Variants in GRID1 observed in about 807,000 individuals in gnomAD.
The protein encoded by GRID1 is glutamate ionotropic receptor delta type subunit 1, also known as glutamate receptor ionotropic, delta-1.
In GRID1, 28 loss-of-function variants were observed where a neutral mutation model predicts 98.0. The ratio of observed to expected loss-of-function variants is 0.29; its 90% CI spans 0.21 to 0.39. The LOEUF (loss-of-function observed/expected upper bound fraction) is 0.39, where lower values mean the gene tolerates loss of function less well. Ranked by LOEUF, GRID1 falls within the 10% of genes least tolerant of loss-of-function variation. The pLI is 1.00. For missense variants in GRID1, 1,111 were observed against 1,340.5 expected (o/e 0.83, Z 2.67); for synonymous variants, 553 against 538.5 (o/e 1.03, Z -0.37).
intron 4 of GRID1, among the ~76,000 whole-genome samples, chr10:86,082,532 T>C (rs1843991961): frequency 6.6e-6 from 1 of 152,124 alleles, no homozygotes; most frequent in Non-Finnish European, 1.5e-5. Flanking sequence ...TTCTAACTGG[T>C]CCCTCAGACT....
chr10:86,069,705 A>C (rs929303412), intron 4 of GRID1, among the ~76,000 whole-genome samples: 1 of 152,250 alleles, frequency 6.6e-6, no homozygotes, highest in African/African-American at 2.4e-5. Context: ...ACGGCCAAGA[A>C]GCTTCATCAG....
chr10:86,362,208 A>T (rs1848608664), intron 2 of GRID1, among the ~76,000 whole-genome samples: 1 of 152,164 alleles, frequency 6.6e-6, no homozygotes, highest in African/African-American at 2.4e-5. Flanking sequence ...GTGTCAAGGG[A>T]ACAGGTGGCA....
At chr10:85,720,130 T>C (rs116862267) in intron 12 of GRID1, among the ~76,000 whole-genome samples, 5 of 152,174 alleles carry the variant, frequency 3.3e-5, no homozygotes, top group Non-Finnish European at 7.4e-5. Context: ...GGAAAATATT[T>C]AGCCAACTAA....
At chr10:86,187,357 C>A (rs185007826) in intron 3 of GRID1, among the ~76,000 whole-genome samples, 2 of 152,296 alleles carry the variant, frequency 1.3e-5, no homozygotes, top group Admixed American at 6.5e-5. Flanking sequence ...CTACAGGCAA[C>A]CTGAGACATG....
chr10:85,741,777 T>A (rs1045086858), intron 8 of GRID1, among the ~76,000 whole-genome samples: 1 of 152,070 alleles, frequency 6.6e-6, no homozygotes, highest in Non-Finnish European at 1.5e-5. Context: ...ACCTGATCCA[T>A]GTCTGCCTTT....
chr10:86,170,914 A>G (rs967555641), intron 3 of GRID1, among the ~76,000 whole-genome samples: 1 of 152,122 alleles, frequency 6.6e-6, no homozygotes, highest in African/African-American at 2.4e-5. Flanking sequence ...CACTCAAGTC[A>G]AGAAAAACGT....
At chr10:85,901,227 T>TTTTATTTATTTATTTATTTA (rs34330928) in intron 5 of GRID1, among the ~76,000 whole-genome samples, 5 of 146,274 alleles carry the variant, frequency 3.4e-5, no homozygotes, top group South Asian at 2.2e-4. Context: ...TTTTATTTTA[T>TTTTATTTATTTATTTATTTA]TTTATTTATT....
rs998586230 is a variant in GRID1, at chr10:85,867,540, G to A, written c.951+1470C>T. Among the ~76,000 whole-genome samples, 4 of 152,214 alleles carry A rather than the reference G, an allele frequency of 2.6e-5. No individual in the cohort carries two copies. In the South Asian group the frequency reaches 8.3e-4, roughly 32 times the overall value. On this transcript the variant is annotated intron_variant, in intron 6 of 15. Transcript: ENST00000327946. The stretch of plus-strand genomic sequence containing the variant: ...GCCATTTCCACCCACATGGAGGCTG[G>A]GAATCATGACTACAGAGGCACAGTG...
intron 13 of GRID1, among the ~76,000 whole-genome samples, chr10:85,643,005 C>G (rs1843141810): frequency 6.6e-6 from 1 of 152,086 alleles, no homozygotes; most frequent in Non-Finnish European, 1.5e-5. Flanking sequence ...GTTCTGATAC[C>G]GTGGACAAGT....
chr10:86,298,238 G>C (rs1375508982), intron 2 of GRID1, among the ~76,000 whole-genome samples: 1 of 152,104 alleles, frequency 6.6e-6, no homozygotes, highest in African/African-American at 2.4e-5. Flanking sequence ...GAAAACTGTA[G>C]CAACAGTGAA....
At chr10:86,131,933 A>C (rs551296684) in intron 4 of GRID1, among the ~76,000 whole-genome samples, 1 of 152,194 alleles carries the variant, frequency 6.6e-6, no homozygotes, top group South Asian at 2.1e-4. Flanking sequence ...TGATTAAGAA[A>C]GATTAACAGG....
intron 4 of GRID1, among the ~76,000 whole-genome samples, chr10:86,059,746 A>C (rs1408509638): frequency 6.6e-6 from 1 of 152,208 alleles, no homozygotes; most frequent in African/African-American, 2.4e-5. Flanking sequence ...ACCCCTATTT[A>C]ATAATTATTC....
At chr10:85,896,265 C>T (rs1381671992) in intron 5 of GRID1, among the ~76,000 whole-genome samples, 1 of 151,954 alleles carries the variant, frequency 6.6e-6, no homozygotes, top group Non-Finnish European at 1.5e-5. Flanking sequence ...AATGATCTAC[C>T]CAATATAATA....
chr10:85,892,060 C>T (rs952750657), intron 5 of GRID1, among the ~76,000 whole-genome samples: 1 of 151,540 alleles, frequency 6.6e-6, no homozygotes, highest in African/African-American at 2.4e-5. Flanking sequence ...ATAAAAGGCA[C>T]AAATTGGATT....
At chr10:85,769,256 G>C (rs914511643) in intron 8 of GRID1, among the ~76,000 whole-genome samples, 4 of 152,214 alleles carry the variant, frequency 2.6e-5, no homozygotes, top group Non-Finnish European at 2.9e-5. Context: ...ATTAATACCA[G>C]AACAGAAGAC....
chr10:86,191,738 T>C (rs1845805386), intron 3 of GRID1, among the ~76,000 whole-genome samples: 1 of 152,110 alleles, frequency 6.6e-6, no homozygotes, highest in Admixed American at 6.5e-5. Context: ...CTCCCATTCA[T>C]CCCTCGAGCC....
At chr10:86,021,482 T>C (rs1843048575) in intron 4 of GRID1, among the ~76,000 whole-genome samples, 1 of 152,172 alleles carries the variant, frequency 6.6e-6, no homozygotes, top group Non-Finnish European at 1.5e-5. Flanking sequence ...TAATTGTTTT[T>C]CTTACTCTTT....
chr10:85,814,944 A>T (rs1842703020), intron 8 of GRID1, among the ~76,000 whole-genome samples: 1 of 152,016 alleles, frequency 6.6e-6, no homozygotes, highest in Non-Finnish European at 1.5e-5. Flanking sequence ...CCAAATGGTC[A>T]TTACAGAAAA....
At position 85,616,403 on chromosome 10, in the gene GRID1, C is replaced by T. The variant is rs114015384; in HGVS notation, c.2361-2756G>A. 1.5e-3 allele frequency among the ~76,000 whole-genome samples: 233 copies of T among 152,264 alleles called. 1 individual carries two copies. The highest frequency in any genetic ancestry group is 5.3e-3 in the African/African-American group (222 of 41,546). On this transcript the variant is annotated intron_variant, in intron 14 of 15. Transcript: ENST00000327946. The stretch of plus-strand genomic sequence containing the variant: ...TTTCCAGAACAGCAGGCTGTTCTTC[C>T]GGGGCCAGCTTCTGGCCCAGGGGAT...
Sources: allele counts gnomAD v4.1 joint callset (sites outside exome capture counted in the v4.1 genomes callset), GRCh38; gene constraint gnomAD v4.1.1; transcripts MANE v1.5; gene names NCBI Gene and HGNC (gene_info 2026-07-23, HGNC 2026-07-21).